The following SERF1A variants were observed in gnomAD, a reference collection of about 807,000 sequenced individuals.
SERF1A encodes small EDRK-rich factor 1A.
downstream of SERF1A, among the ~76,000 whole-genome samples, chr5:70,912,057 A>ACACACTCTCT (rs1184160284): frequency 0.016 from 294 of 18,590 alleles, 4 homozygotes; most frequent in African/African-American, 0.057. Flanking sequence ...ACACACACAC[A>ACACACTCTCT]CTCTCTCTCT....
downstream of SERF1A, among the ~76,000 whole-genome samples, chr5:70,912,057 A>ACTCTCT (rs1554081326): frequency 0.049 from 921 of 18,656 alleles, 54 homozygotes; most frequent in African/African-American, 0.18. Context: ...ACACACACAC[A>ACTCTCT]CTCTCTCTCT....
chr5:70,912,726 C>CAGTG (rs1749140061), downstream of SERF1A, among the ~76,000 whole-genome samples: 1 of 7,258 alleles, frequency 1.4e-4, no homozygotes, highest in Non-Finnish European at 3.3e-4. Context: ...GTTGAGGATG[C>CAGTG]AGTGAGCCAA....
At chr5:70,911,842 CA>C (rs1158470138), downstream of SERF1A, among the ~76,000 whole-genome samples, 1 of 4,728 alleles carries the variant, frequency 2.1e-4, no homozygotes, top group Non-Finnish European at 5.2e-4. Context: ...TCATCTCTAC[CA>C]AAAAAAAAAA....
chr5:70,912,057 A>ACTCTCTCTCTCTCTCTCT (rs1554081326), downstream of SERF1A, among the ~76,000 whole-genome samples: 3 of 18,602 alleles, frequency 1.6e-4, no homozygotes, highest in Admixed American at 7.2e-4. Context: ...ACACACACAC[A>ACTCTCTCTCTCTCTCTCT]CTCTCTCTCT....
chr5:70,916,805 C>T, intron 2 of SERF1A: 1 of 222,806 alleles, frequency 4.5e-6, no homozygotes, highest in Non-Finnish European at 6.9e-6. Flanking sequence ...ATGCTTCTCT[C>T]AGTGCTCATG....
downstream of SERF1A, among the ~76,000 whole-genome samples, chr5:70,912,053 ACACACTCT>A (rs1465635890): frequency 9.0e-3 from 343 of 38,024 alleles, 69 homozygotes; most frequent in Non-Finnish European, 0.014. Flanking sequence ...ACACACACAC[ACACACTCT>A]CTCTCTCTCT....
At chr5:70,904,357 C>T (rs1232167342) in intron 2 of SERF1A, among the ~76,000 whole-genome samples, 5 of 32,138 alleles carry the variant, frequency 1.6e-4, no homozygotes, top group East Asian at 1.5e-3. Context: ...ATCGCGCCAC[C>T]GCACTCCAGC....
At chr5:70,913,378 CAAAA>C (rs878903389) in intron 2 of SERF1A, among the ~76,000 whole-genome samples, 1 of 59,128 alleles carries the variant, frequency 1.7e-5, no homozygotes, top group African/African-American at 5.2e-5. Context: ...GACTCTGTCT[CAAAA>C]AAAAAAAAAA....
At position 70,904,525 on chromosome 5, in the gene SERF1A, C is replaced by T. The variant is rs1165478390; in HGVS notation, c.116+2592C>T. On this transcript the variant is annotated intron_variant, in intron 2 of 2. Coordinates refer to ENST00000317633, the MANE Select transcript of SERF1A (RefSeq NM_022968.2). ...CAGAGGTCGAGCATTAAAAAGCACC[C>T]TAGGTAAATTTTACTGTACTTAGGT... 9.9e-5 allele frequency among the ~76,000 whole-genome samples: 5 copies of T among 50,318 alleles called. 2 individuals carry two copies. The highest frequency in any genetic ancestry group is 1.7e-4 in the Non-Finnish European group (4 of 23,790). The allele number at this position is 50,318 out of a possible 152,430, so 33.0% of individuals were successfully genotyped here.
At chr5:70,905,146 C>A (rs538055) in intron 2 of SERF1A, 49,109 of 142,856 alleles carry the variant, frequency 0.34, 19,962 homozygotes, top group South Asian at 0.47. Context: ...CCTTAATTTA[C>A]GGCAAAGGTC....
chr5:70,913,710 C>T (rs1749173281), intron 2 of SERF1A, among the ~76,000 whole-genome samples: 1 of 35,732 alleles, frequency 2.8e-5, no homozygotes, highest in Non-Finnish European at 6.0e-5. Flanking sequence ...TACAGAGTTA[C>T]GTATTTAACC....
downstream of SERF1A, among the ~76,000 whole-genome samples, chr5:70,913,085 AAAAC>A (rs1312224968): frequency 7.4e-6 from 1 of 135,536 alleles, no homozygotes; most frequent in East Asian, 2.3e-4. Flanking sequence ...AAATAAATAA[AAAAC>A]AAGGCCGGGC....
chr5:70,912,049 ACACACACACT>A (rs1345238207), downstream of SERF1A, among the ~76,000 whole-genome samples: 2 of 43,802 alleles, frequency 4.6e-5, no homozygotes, highest in Non-Finnish European at 8.2e-5. Context: ...ACACACACAC[ACACACACACT>A]CTCTCTCTCT....
intron 2 of SERF1A, chr5:70,905,216 A>C: frequency 6.0e-6 from 1 of 167,704 alleles, no homozygotes; most frequent in Non-Finnish European, 1.0e-5. Flanking sequence ...CCCAGACTGG[A>C]GTGCAGTGCC....
intron 2 of SERF1A, among the ~76,000 whole-genome samples, chr5:70,913,249 G>T (rs1218432771): frequency 2.7e-5 from 3 of 113,030 alleles, no homozygotes; most frequent in Non-Finnish European, 3.8e-5. Context: ...CGTGGTGGTG[G>T]GCGCCTGTAA....
rs1371864286 is a variant in SERF1A, at chr5:70,904,541, G to GT, written c.116+2609dup. 4.2e-5 allele frequency among the ~76,000 whole-genome samples: 2 copies of GT among 47,142 alleles called. 1 individual carries two copies. The highest frequency in any genetic ancestry group is 9.2e-5 in the Non-Finnish European group (2 of 21,686). The allele number at this position is 47,142 out of a possible 152,430, so 30.9% of individuals were successfully genotyped here. A position where few individuals can be genotyped will look rare whatever the true frequency, so the allele number is the denominator to read the frequency against. Reference sequence around the variant, plus strand: ...AAAAGCACCCTAGGTAAATTTTACTGTACTTAGGTTATGCCTTTTTTTTTT... The same window carrying GT: ...AAAAGCACCCTAGGTAAATTTTACTGTTACTTAGGTTATGCCTTTTTTTTTT... On this transcript the variant is annotated intron_variant, in intron 2 of 2. Coordinates refer to ENST00000317633, the MANE Select transcript of SERF1A (RefSeq NM_022968.2).
downstream of SERF1A, among the ~76,000 whole-genome samples, chr5:70,912,055 A>ACTCTCTCTCTCT (rs1373795637): frequency 6.6e-5 from 2 of 30,394 alleles, no homozygotes; most frequent in African/African-American, 1.2e-4. Context: ...ACACACACAC[A>ACTCTCTCTCTCT]CACTCTCTCT....
At chr5:70,913,602 T>A (rs1158889442) in intron 2 of SERF1A, among the ~76,000 whole-genome samples, 5 of 49,924 alleles carry the variant, frequency 1.0e-4, no homozygotes, top group Non-Finnish European at 2.2e-4. Context: ...ATATATCACA[T>A]GACATAAGTT....
intron 2 of SERF1A, chr5:70,905,209 A>C (rs773742673): frequency 5.7e-6 from 1 of 176,774 alleles, no homozygotes; most frequent in Non-Finnish European, 9.6e-6. Context: ...TCTGTGACCC[A>C]GACTGGAGTG....
Sources: allele counts gnomAD v4.1 joint callset (sites outside exome capture counted in the v4.1 genomes callset), GRCh38; gene constraint gnomAD v4.1.1; transcripts MANE v1.5; gene names NCBI Gene and HGNC (gene_info 2026-07-23, HGNC 2026-07-21).